The following SNX29 variants were observed in gnomAD, a reference collection of about 807,000 sequenced individuals.
SNX29 encodes the protein sorting nexin 29, also known as sorting nexin-29.
A neutral mutation model predicts 102.1 loss-of-function variants in SNX29; 78 were observed. The observed-to-expected ratio is 0.76, with a 90% CI of 0.64 to 0.92. SNX29 has a LOEUF of 0.92. Among genes scored for constraint, SNX29 ranks in the 40% least tolerant of loss-of-function variants. SNX29 has a pLI of 0.00. For synonymous variants in SNX29, 580 were observed against 414.5 expected (o/e 1.40, Z -4.85); for missense variants, 1,280 against 1,061.7 (o/e 1.21, Z -2.86).
At chr16:12,526,696 C>A in intron 20 of SNX29, 1 of 496,336 alleles carries the variant, frequency 2.0e-6, no homozygotes, top group Non-Finnish European at 3.9e-6. Context: ...CTGGTGAAAA[C>A]TGAGTTAGCC....
chr16:11,986,300 A>G (rs2055622782), intron 1 of SNX29, among the ~76,000 whole-genome samples: 1 of 151,488 alleles, frequency 6.6e-6, no homozygotes, highest in South Asian at 2.1e-4. Context: ...CGAGGAGGGA[A>G]ACTTGCCCAC....
chr16:12,072,622 A>C (rs1244798843), intron 10 of SNX29, among the ~76,000 whole-genome samples: 8 of 152,086 alleles, frequency 5.3e-5, no homozygotes, highest in Admixed American at 2.6e-4. Flanking sequence ...TATTGGTCTA[A>C]AATTCTCTTT....
At chr16:12,517,839 G>C (rs572732430) in intron 19 of SNX29, among the ~76,000 whole-genome samples, 1 of 152,138 alleles carries the variant, frequency 6.6e-6, no homozygotes, top group East Asian at 1.9e-4. Flanking sequence ...GGCATGTCCC[G>C]AGAGGTCTCT....
intron 16 of SNX29, among the ~76,000 whole-genome samples, chr16:12,364,067 G>T (rs754922316): frequency 6.6e-6 from 1 of 152,104 alleles, no homozygotes; most frequent in African/African-American, 2.4e-5. Flanking sequence ...ATCATAGCTC[G>T]GTGTAACCTC....
At chr16:12,509,421 A>G (rs1364818608) in intron 19 of SNX29, among the ~76,000 whole-genome samples, 1 of 152,156 alleles carries the variant, frequency 6.6e-6, no homozygotes, top group African/African-American at 2.4e-5. Context: ...AGAGTGTCTG[A>G]GAGCACTGGG....
intron 15 of SNX29, among the ~76,000 whole-genome samples, chr16:12,310,304 T>C (rs1262810168): frequency 1.3e-5 from 2 of 152,250 alleles, no homozygotes; most frequent in Non-Finnish European, 2.9e-5. Flanking sequence ...GGCAAGGTTC[T>C]CATTCCCCTC....
intron 18 of SNX29, among the ~76,000 whole-genome samples, chr16:12,446,985 T>C (rs2086085903): frequency 6.6e-6 from 1 of 151,426 alleles, no homozygotes; most frequent in Non-Finnish European, 1.5e-5. Flanking sequence ...ACCAACATGG[T>C]GAGACCCCGT....
At chr16:12,406,760 T>G (rs113746089) in intron 18 of SNX29, among the ~76,000 whole-genome samples, 6,784 of 152,144 alleles carry the variant, frequency 0.045, 302 homozygotes, top group African/African-American at 0.12. Flanking sequence ...ATACAAAAAT[T>G]AGCTGAGCGT....
intron 15 of SNX29, among the ~76,000 whole-genome samples, chr16:12,318,115 C>T (rs2080811705): frequency 6.6e-6 from 1 of 152,238 alleles, no homozygotes; most frequent in South Asian, 2.1e-4. Context: ...GCCCATTTCA[C>T]ATGTGAGCCC....
chr16:12,571,017 T>G lies in SNX29; in HGVS notation c.*2388T>G, dbSNP rs1341452789. ...GCACAGACCGTAGAGTCGAGTCATC[T>G]CGCAGATCCAGACCATCTCCTCTCA... On this transcript the variant is annotated 3_prime_UTR_variant, in exon 21 of 21. Coordinates refer to ENST00000566228, the MANE Select transcript of SNX29 (RefSeq NM_032167.5). The G allele has an allele frequency of 8.6e-6, 2 of 232,658 alleles. No homozygotes were observed. Among genetic ancestry groups the G allele is most frequent in the Non-Finnish European group, 1.7e-5 (2 of 117,724 alleles). The allele number at this position is 232,658 out of a possible 1,614,324, so 14.4% of individuals were successfully genotyped here.
At chr16:12,020,865 C>T (rs1426557232) in intron 3 of SNX29, among the ~76,000 whole-genome samples, 1 of 152,134 alleles carries the variant, frequency 6.6e-6, no homozygotes, top group Non-Finnish European at 1.5e-5. Flanking sequence ...CTCAGGTGAT[C>T]CTCCCATCTC....
At chr16:12,343,309 A>C (rs1399924313) in intron 15 of SNX29, among the ~76,000 whole-genome samples, 1 of 152,222 alleles carries the variant, frequency 6.6e-6, no homozygotes, top group Non-Finnish European at 1.5e-5. Flanking sequence ...AAAACTTCTG[A>C]CTTGGTGTGC....
chr16:12,476,844 A>T (rs879821139), intron 18 of SNX29, among the ~76,000 whole-genome samples: 2 of 152,118 alleles, frequency 1.3e-5, no homozygotes, highest in African/African-American at 4.8e-5. Flanking sequence ...AGAATTTATC[A>T]CTCACATTAG....
At chr16:12,405,345 C>T (rs2084116803) in intron 18 of SNX29, among the ~76,000 whole-genome samples, 1 of 152,130 alleles carries the variant, frequency 6.6e-6, no homozygotes, top group African/African-American at 2.4e-5. Flanking sequence ...ATGCCGTTGC[C>T]TGGGAGATTG....
chr16:12,221,561 C>T (rs893211130), intron 14 of SNX29, among the ~76,000 whole-genome samples: 4 of 152,166 alleles, frequency 2.6e-5, no homozygotes, highest in Non-Finnish European at 5.9e-5. Context: ...TTGCAGTAAG[C>T]CAAGATGGCG....
At position 12,426,399 on chromosome 16, in the gene SNX29, C is replaced by T. The variant is rs190775292; in HGVS notation, c.2037+22870C>T. Among the ~76,000 whole-genome samples the T allele has an allele frequency of 6.7e-4, 102 of 152,230 alleles. 1 individual carries two copies. Among genetic ancestry groups the T allele is most frequent in the Non-Finnish European group, 4.7e-4 (32 of 68,016 alleles). ...TGAAAGCTTCTGCTCAGAAGTGACA[C>T]GTCACTCCCTCAAAACACATGGTCA... is the stretch of plus-strand genomic sequence containing the variant. On this transcript the variant is annotated intron_variant, in intron 18 of 20. Coordinates refer to ENST00000566228, the MANE Select transcript of SNX29 (RefSeq NM_032167.5).
At chr16:12,490,619 C>G (rs1349117395) in intron 19 of SNX29, among the ~76,000 whole-genome samples, 1 of 152,234 alleles carries the variant, frequency 6.6e-6, no homozygotes, top group African/African-American at 2.4e-5. Context: ...GTAGTGCATA[C>G]TGCCACACAG....
At chr16:12,025,687 C>A (rs139010741) in intron 3 of SNX29, among the ~76,000 whole-genome samples, 2 of 152,122 alleles carry the variant, frequency 1.3e-5, no homozygotes, top group Non-Finnish European at 2.9e-5. Context: ...TCATGGGCAC[C>A]GAATACAGTG....
At chr16:12,115,451 C>T (rs2053655852) in intron 11 of SNX29, among the ~76,000 whole-genome samples, 1 of 151,094 alleles carries the variant, frequency 6.6e-6, no homozygotes, top group African/African-American at 2.4e-5. Context: ...TACTGTATAG[C>T]CCAGGCCTTG....
Sources: allele counts gnomAD v4.1 joint callset (sites outside exome capture counted in the v4.1 genomes callset), GRCh38; gene constraint gnomAD v4.1.1; transcripts MANE v1.5; gene names NCBI Gene and HGNC (gene_info 2026-07-23, HGNC 2026-07-21).